Variants in PSD observed in about 807,000 individuals in gnomAD.
PSD encodes the protein PH and SEC7 domain-containing protein 1.
A neutral mutation model predicts 91.6 loss-of-function variants in PSD; 32 were observed. The observed-to-expected ratio is 0.35, with a 90% confidence interval of 0.26 to 0.47. PSD has a LOEUF of 0.47. PSD is among the 20% of genes least tolerant of loss of function. The pLI is 1.00. For synonymous variants in PSD, 532 were observed against 569.3 expected (o/e 0.93, Z 0.93); for missense variants, 1,099 against 1,373.9 (o/e 0.80, Z 3.16).
chr10:102,404,853 G>C lies in PSD; in HGVS notation c.2555+45C>G. On this transcript the variant is annotated intron_variant, in intron 14 of 16. Transcript: ENST00000020673. The surrounding 1 kb of genome is among the most constrained non-coding windows in gnomAD (Gnocchi z 5.7). ...AGGGACAGGGAGGGGAGCAGGATGGGAGGTGGGGGAAGGGGTCCGGGATGG... is the reference window on the plus strand; with the variant it reads ...AGGGACAGGGAGGGGAGCAGGATGGCAGGTGGGGGAAGGGGTCCGGGATGG... The C allele has an allele frequency of 6.2e-7, 1 of 1,602,242 alleles. No individual in the cohort carries two copies.
intron 11 of PSD, among the ~76,000 whole-genome samples, chr10:102,406,655 G>A (rs530899181): frequency 6.6e-6 from 1 of 152,180 alleles, no homozygotes; most frequent in East Asian, 1.9e-4. Flanking sequence ...CTACAGGTGC[G>A]TGCCACCACG....
In PSD at chr10:102,414,174, T is replaced by A; in HGVS notation, c.1148A>T (p.Lys383Met). The A allele has an allele frequency of 6.2e-7, 1 of 1,610,282 alleles. No homozygotes were observed. Among genetic ancestry groups the A allele is most frequent in the Non-Finnish European group, 8.5e-7 (1 of 1,177,478 alleles). Reference sequence around the variant, plus strand: ...CCCAGGTAGAAAGGGCACAGGTGACTTGAGAGGCATCCGGCTCCCTGGCCT... The same window carrying A: ...CCCAGGTAGAAAGGGCACAGGTGACATGAGAGGCATCCGGCTCCCTGGCCT... The part of the protein sequence containing the change: ...GARPGSRMPL[K>M]SPVPFLPGTS... The change falls in exon 5 of 17, where the codon AAG becomes ATG. Residue 383 changes from lysine (K) to methionine (M), a missense_variant. Coordinates refer to ENST00000020673, the MANE Select transcript of PSD (RefSeq NM_002779.5). The surrounding 1 kb of genome is among the most constrained non-coding windows in gnomAD (Gnocchi z 5.6).
At chr10:102,406,500 T>C (rs3781293) in intron 11 of PSD, among the ~76,000 whole-genome samples, 18,040 of 150,218 alleles carry the variant, frequency 0.12, 1,339 homozygotes, top group East Asian at 0.26. Flanking sequence ...TCTCTGTGTT[T>C]CTTTTTTCTT....
Position 102,411,117 on chromosome 10 carries a change from C to T in PSD, c.1943-1G>A. 6.2e-7 allele frequency: 1 copy of T among 1,604,002 alleles called. No homozygotes were observed. Among genetic ancestry groups the T allele is most frequent in the Non-Finnish European group, 8.5e-7 (1 of 1,172,546 alleles). On this transcript the variant is annotated splice_acceptor_variant, in intron 8 of 16. Transcript: ENST00000020673. LOFTEE classifies it high-confidence loss of function. ...GCACAGGTCAGCGTGTGGGCGCCGT[C>T]TAGGGGAGAGCTGACTTTCAGCCTT...
Position 102,405,263 on chromosome 10 carries a change from GAGA to G in PSD, c.2327-13_2327-11del, listed in dbSNP as rs762703555. 4 of 1,610,334 alleles carry G rather than the reference GAGA, an allele frequency of 2.5e-6. No homozygotes were observed. Among genetic ancestry groups the G allele is most frequent in the Non-Finnish European group, 3.4e-6 (4 of 1,179,866 alleles). Reference sequence around the variant, plus strand: ...CGCTTGCCCCGAGGTGCTGCGGGGAGAGAAGACAGGTCAGGGGGCCCTGGAACA... The same window carrying G: ...CGCTTGCCCCGAGGTGCTGCGGGGAGAGACAGGTCAGGGGGCCCTGGAACA... On this transcript the variant is annotated splice_polypyrimidine_tract_variant and intron_variant, in intron 12 of 16. Transcript: ENST00000020673. This position sits in a 1 kb window ranked among gnomAD's most constrained non-coding sequence, Gnocchi z 5.4.
intron 8 of PSD, 78 bp from the exon 9 acceptor site, chr10:102,411,194 C>A (rs2135456107): frequency 2.1e-6 from 3 of 1,415,030 alleles, no homozygotes; most frequent in East Asian, 2.3e-5. Flanking sequence ...CCTCCCATTT[C>A]ATCCCCACCC....
At position 102,415,012 on chromosome 10, in the gene PSD, T is replaced by C. The variant is rs370696754; in HGVS notation, c.975A>G (p.Pro325=). ...IESQPSSEGP[P]GTAYPPAPRP... is the part of the protein sequence containing the mutation. ...GTGGGGCAGGTGGGTAGGCAGTGCC[T>C]GGTGGGCCCTCAGAGCTGGGCTGAC... The change falls in exon 4 of 17, where the codon CCA becomes CCG. Residue 325 remains proline (P), a synonymous_variant. Coordinates refer to ENST00000020673, the MANE Select transcript of PSD (RefSeq NM_002779.5). The C allele has an allele frequency of 6.2e-7, 1 of 1,610,428 alleles. No homozygotes were observed. Among genetic ancestry groups the C allele is most frequent in the Non-Finnish European group, 8.5e-7 (1 of 1,177,414 alleles).
chr10:102,407,125 C>A, intron 11 of PSD, 98 bp downstream of exon 11: 1 of 1,147,074 alleles, frequency 8.7e-7, no homozygotes, highest in Non-Finnish European at 1.2e-6. Flanking sequence ...CTCCCCTCCC[C>A]TACCCCCACC....
chr10:102,418,818 C>G (rs2061518345), upstream of PSD: 5 of 432,416 alleles, frequency 1.2e-5, no homozygotes, highest in South Asian at 4.8e-5. Context: ...AGTCCCTCCC[C>G]CTACCCCCTA....
rs370119612 is a variant in PSD at position 102,403,815 on chromosome 10, G to A, written c.2844+27C>T. ...ACCCTAGTATGGGCCTGCGTGTGTGGACAGAGGGGCAGACAGGGAGGCTCA... is the reference window on the plus strand; with the variant it reads ...ACCCTAGTATGGGCCTGCGTGTGTGAACAGAGGGGCAGACAGGGAGGCTCA... On this transcript the variant is annotated intron_variant, in intron 16 of 16. Transcript: ENST00000020673. This position sits in a 1 kb window ranked among gnomAD's most constrained non-coding sequence, Gnocchi z 6.7. 6 of 1,604,208 alleles carry A rather than the reference G, an allele frequency of 3.7e-6. No individual in the cohort carries two copies. Among genetic ancestry groups the A allele is most frequent in the Non-Finnish European group, 5.1e-6 (6 of 1,174,436 alleles).
chr10:102,417,295 C>T lies in PSD; in HGVS notation c.-83-174G>A, dbSNP rs118009147. Reference sequence around the variant, plus strand: ...GGGGACTACTTCCATAGAGGCCTGACGAGAAAAGACTTATACACCCAGTGG... The same window carrying T: ...GGGGACTACTTCCATAGAGGCCTGATGAGAAAAGACTTATACACCCAGTGG... On this transcript the variant is annotated intron_variant, in intron 1 of 16. Transcript: ENST00000020673. Among the ~76,000 whole-genome samples, 123 of 152,124 alleles carry T rather than the reference C, an allele frequency of 8.1e-4. No individual in the cohort carries two copies. In the East Asian group the frequency reaches 0.021, roughly 26 times the overall value.
At chr10:102,408,726 C>T (rs1028308971) in intron 10 of PSD, among the ~76,000 whole-genome samples, 3 of 152,244 alleles carry the variant, frequency 2.0e-5, no homozygotes, top group Non-Finnish European at 4.4e-5. Context: ...ACCTTGGCCC[C>T]AGGGTCTGTG....
chr10:102,404,062 C>T lies in PSD; in HGVS notation c.2701-77G>A, dbSNP rs2061325856. 2 of 1,448,100 alleles carry T rather than the reference C, an allele frequency of 1.4e-6. No individual in the cohort carries two copies. The allele number at this position is 1,448,100 out of a possible 1,614,324, so 89.7% of individuals were successfully genotyped here. A position where few individuals can be genotyped will look rare whatever the true frequency, so the allele number is the denominator to read the frequency against. Reference sequence around the variant, plus strand: ...TCTGCAGATTTTTAAAAAGATACCCCTTCCAGCCGGGCGCGGTGGCTCACG... The same window carrying T: ...TCTGCAGATTTTTAAAAAGATACCCTTTCCAGCCGGGCGCGGTGGCTCACG... On this transcript the variant is annotated intron_variant, in intron 15 of 16. Transcript: ENST00000020673. This position sits in a 1 kb window ranked among gnomAD's most constrained non-coding sequence, Gnocchi z 5.7.
In PSD at chr10:102,410,084, G is replaced by A. The variant is rs1309767068; in HGVS notation, c.2091+774C>T. Among the ~76,000 whole-genome samples, 12 of 152,088 alleles carry A rather than the reference G, an allele frequency of 7.9e-5. No individual in the cohort carries two copies. The highest frequency in any genetic ancestry group is 2.9e-4 in the African/African-American group (12 of 41,408). On this transcript the variant is annotated intron_variant, in intron 10 of 16. Transcript: ENST00000020673. This position sits in a 1 kb window ranked among gnomAD's most constrained non-coding sequence, Gnocchi z 6.0. Reference sequence around the variant, plus strand: ...CCCAGCACCCCAAGCTCACAGAAACGCCCTAGGACAATCCTGTGCTGTTAC... The same window carrying A: ...CCCAGCACCCCAAGCTCACAGAAACACCCTAGGACAATCCTGTGCTGTTAC...
chr10:102,416,458 T>A lies in PSD; in HGVS notation c.581A>T (p.Asn194Ile), dbSNP rs577209821. ...GCGCTCAGGGGGGCCCCCCAGCCCA[T>A]TGGGGAGAGAGGAGTAAAGGCCATC... ...GADGLYSSLP[N>I]GLGGPPERLA... is the part of the protein sequence containing the mutation. The change falls in exon 2 of 17, where the codon AAT becomes ATT. Residue 194 changes from asparagine (N) to isoleucine (I), a missense_variant. By Grantham distance (149) the Asn-to-Ile change is moderately radical (BLOSUM62 -3). Around this residue, in one of 3 missense-constraint regions of PSD, gnomAD observed 631 missense variants for 728.8 expected, o/e 0.87. Transcript: ENST00000020673. This position sits in a 1 kb window ranked among gnomAD's most constrained non-coding sequence, Gnocchi z 6.0. 1.6e-5 allele frequency: 26 copies of A among 1,612,996 alleles called. No homozygotes were observed. The highest frequency in any genetic ancestry group is 1.9e-5 in the Non-Finnish European group (23 of 1,179,594).
intron 10 of PSD, among the ~76,000 whole-genome samples, chr10:102,407,719 G>A (rs915643065): frequency 1.3e-5 from 2 of 152,002 alleles, no homozygotes; most frequent in Non-Finnish European, 2.9e-5. Flanking sequence ...ATAGCATATG[G>A]GGAAACTGCG....
At position 102,403,737 on chromosome 10, in the gene PSD, G is replaced by T; in HGVS notation, c.2844+105C>A. On this transcript the variant is annotated intron_variant, in intron 16 of 16. Coordinates refer to ENST00000020673, the MANE Select transcript of PSD (RefSeq NM_002779.5). This position sits in a 1 kb window ranked among gnomAD's most constrained non-coding sequence, Gnocchi z 6.7. ...AGGAGGAAACTGAGGCTTAGGTTAA[G>T]CAACCTGCCCAAGGACCTCCGGCCG... The T allele has an allele frequency of 7.0e-7, 1 of 1,426,634 alleles. No individual in the cohort carries two copies. The highest frequency in any genetic ancestry group is 9.3e-7 in the Non-Finnish European group (1 of 1,070,314). 88.4% of individuals were successfully genotyped at this position (1,426,634 alleles called of 1,614,324 possible).
chr10:102,403,218 A>G lies in PSD; in HGVS notation c.3057T>C (p.Ser1019=). The G allele has an allele frequency of 6.3e-7, 1 of 1,575,682 alleles. No homozygotes were observed. The highest frequency in any genetic ancestry group is 8.6e-7 in the Non-Finnish European group (1 of 1,157,154). ...HSSEPRPGAG[S]GRRKP is the part of the protein sequence containing the mutation. ...CCTCATCTCAGGGCTTCCGCCGCCCACTGCCTGCCCCTGGCCGAGGCTCTG... is the reference window on the plus strand; with the variant it reads ...CCTCATCTCAGGGCTTCCGCCGCCCGCTGCCTGCCCCTGGCCGAGGCTCTG... The change falls in exon 17 of 17, where the codon AGT becomes AGC. Residue 1019 remains serine (S), a synonymous_variant. Transcript: ENST00000020673. The surrounding 1 kb of genome is among the most constrained non-coding windows in gnomAD (Gnocchi z 6.7).
intron 11 of PSD, among the ~76,000 whole-genome samples, chr10:102,406,683 G>GT (rs1412223177): frequency 6.6e-6 from 1 of 151,982 alleles, no homozygotes; most frequent in Non-Finnish European, 1.5e-5. Flanking sequence ...AATTTTTTGT[G>GT]TTTTTAGTGG....
Sources: allele counts gnomAD v4.1 joint callset (sites outside exome capture counted in the v4.1 genomes callset), GRCh38; gene constraint gnomAD v4.1.1; regional missense constraint gnomAD v4.1.1; non-coding constraint Gnocchi (gnomAD v3.1); transcripts MANE v1.5; gene names NCBI Gene and HGNC (gene_info 2026-07-23, HGNC 2026-07-21).